GRIN2A: variants seen among roughly 807,000 people sequenced by gnomAD.
GRIN2A encodes the protein glutamate receptor ionotropic, NMDA 2A.
GRIN2A carries 22 observed loss-of-function variants against 113.4 expected under a neutral mutation model. The observed-to-expected ratio is 0.19, with a 90% CI of 0.14 to 0.28. GRIN2A has a LOEUF of 0.28. Ranked by LOEUF, GRIN2A falls within the 10% of genes least tolerant of loss-of-function variation. GRIN2A has a pLI of 1.00. For missense variants in GRIN2A, 1,502 were observed against 1,887.0 expected (o/e 0.80, Z 3.78); for synonymous variants, 827 against 738.4 (o/e 1.12, Z -1.94).
intron 2 of GRIN2A, among the ~76,000 whole-genome samples, chr16:10,082,446 T>C (rs1204496137): frequency 6.6e-6 from 1 of 152,240 alleles, no homozygotes; most frequent in Non-Finnish European, 1.5e-5. Flanking sequence ...CCTGTGAATA[T>C]GATAGGACAT....
intron 2 of GRIN2A, among the ~76,000 whole-genome samples, chr16:10,079,953 G>C (rs533688574): frequency 3.9e-5 from 6 of 152,332 alleles, no homozygotes; most frequent in African/African-American, 7.2e-5. Flanking sequence ...CTTTGTATGA[G>C]AATGAGCAAG....
rs149306278 is a variant in GRIN2A, at chr16:9,984,720, C to T, written c.415-46169G>A. Among the ~76,000 whole-genome samples, 595 of 152,288 alleles carry T rather than the reference C, an allele frequency of 3.9e-3. 6 individuals are homozygous for T. The highest frequency in any genetic ancestry group is 4.4e-3 in the Non-Finnish European group (296 of 68,012). On this transcript the variant is annotated intron_variant, in intron 2 of 12. Transcript: ENST00000330684. ...TTGGTCTTGTCTTTACTTTCTCACA[C>T]GCAGTTTCTAACACCACATGGGATT...
chr16:10,018,026 A>G (rs761149505), intron 2 of GRIN2A, among the ~76,000 whole-genome samples: 1 of 152,182 alleles, frequency 6.6e-6, no homozygotes, highest in African/African-American at 2.4e-5. Context: ...TTTGCATCCA[A>G]GGAGGGATTC....
At position 10,126,202 on chromosome 16, in the gene GRIN2A, G is replaced by A. The variant is rs7193159; in HGVS notation, c.414+53796C>T. Among the ~76,000 whole-genome samples the A allele has an allele frequency of 5.0e-3, 740 of 149,172 alleles. 7 individuals carry two copies. Among genetic ancestry groups the A allele is most frequent in the African/African-American group, 0.017 (691 of 40,468 alleles). On this transcript the variant is annotated intron_variant, in intron 2 of 12. Transcript: ENST00000330684. ...TTTTGAGATAGGATCTCGCTCTGTC[G>A]CCCAGGCTGGAATGCAGTGGCACAA...
intron 10 of GRIN2A, among the ~76,000 whole-genome samples, chr16:9,811,805 T>C (rs2042091858): frequency 6.6e-6 from 1 of 152,254 alleles, no homozygotes; most frequent in Non-Finnish European, 1.5e-5. Context: ...CCTAAGGATA[T>C]AGAACCTGCC....
At chr16:10,000,350 A>G (rs1394118687) in intron 2 of GRIN2A, among the ~76,000 whole-genome samples, 1 of 150,612 alleles carries the variant, frequency 6.6e-6, no homozygotes, top group Non-Finnish European at 1.5e-5. Flanking sequence ...ACTATTACAG[A>G]GAAAGAAAGT....
chr16:9,980,090 A>G (rs530930379), intron 2 of GRIN2A, among the ~76,000 whole-genome samples: 1 of 151,530 alleles, frequency 6.6e-6, no homozygotes, highest in South Asian at 2.1e-4. Flanking sequence ...TGAAACCCCC[A>G]TCTCTACTAA....
chr16:10,154,131 C>T (rs2049640164), intron 2 of GRIN2A, among the ~76,000 whole-genome samples: 1 of 152,162 alleles, frequency 6.6e-6, no homozygotes, highest in African/African-American at 2.4e-5. Flanking sequence ...TGAGCTGAAG[C>T]CCTTAAGAGC....
chr16:9,784,441 C>CA lies in GRIN2A; in HGVS notation c.2356+13835dup, dbSNP rs71400493. 7.7e-3 allele frequency among the ~76,000 whole-genome samples: 978 copies of CA among 126,594 alleles called. 10 individuals are homozygous for CA. The highest frequency in any genetic ancestry group is 0.035 in the East Asian group (163 of 4,674). The allele number at this position is 126,594 out of a possible 152,430, so 83.1% of individuals were successfully genotyped here. A position where few individuals can be genotyped will look rare whatever the true frequency, so the allele number is the denominator to read the frequency against. ...GCAAAACTCTAACAACAACAACAAC[C>CA]AAAAAAAAAAAACAAACAAACAAAA... is the stretch of plus-strand genomic sequence containing the variant. On this transcript the variant is annotated intron_variant, in intron 11 of 12. Coordinates refer to ENST00000330684, the MANE Select transcript of GRIN2A (RefSeq NM_001134407.3).
chr16:10,006,667 A>T (rs879575044), intron 2 of GRIN2A, among the ~76,000 whole-genome samples: 6 of 152,124 alleles, frequency 3.9e-5, no homozygotes, highest in Non-Finnish European at 8.8e-5. Context: ...AAAATGTACG[A>T]CAAATTATTG....
At position 9,764,403 on chromosome 16, in the gene GRIN2A, C is replaced by G. The variant is rs770039926; in HGVS notation, c.3141G>C (p.Lys1047Asn). 6.2e-7 allele frequency: 1 copy of G among 1,614,096 alleles called. No individual in the cohort carries two copies. Among genetic ancestry groups the G allele is most frequent in the South Asian group, 1.1e-5 (1 of 91,066 alleles). The change falls in exon 13 of 13, where the codon AAG (lysine) becomes AAC (asparagine). Residue 1047 changes from lysine to asparagine, a missense_variant. Physicochemically the swap from Lys to Asn is moderately conservative, Grantham distance 94 (BLOSUM62 0). Coordinates refer to ENST00000330684, the MANE Select transcript of GRIN2A (RefSeq NM_001134407.3). ...TCTCTTCTGGAAGATACCTAGGGCT[C>G]TTTAGGGAGTGGGTCCTATTCTCTG... ...ATAENRTHSL[K>N]SPRYLPEEMA...
chr16:10,160,760 GA>G (rs2049794121), intron 2 of GRIN2A, among the ~76,000 whole-genome samples: 1 of 152,156 alleles, frequency 6.6e-6, no homozygotes, highest in Non-Finnish European at 1.5e-5. Context: ...ATGCTCAATC[GA>G]ACAGAAAGCT....
chr16:9,853,912 A>T (rs1201161211), intron 4 of GRIN2A, among the ~76,000 whole-genome samples: 1 of 152,188 alleles, frequency 6.6e-6, no homozygotes, highest in Non-Finnish European at 1.5e-5. Context: ...TAAATCCTTA[A>T]TTTGATTTAA....
intron 2 of GRIN2A, among the ~76,000 whole-genome samples, chr16:10,162,791 A>T (rs2049830347): frequency 6.6e-6 from 1 of 152,242 alleles, no homozygotes; most frequent in African/African-American, 2.4e-5. Flanking sequence ...TAAACAACAT[A>T]TCAGAGGGTT....
At chr16:10,131,209 C>T (rs1372982150) in intron 2 of GRIN2A, among the ~76,000 whole-genome samples, 1 of 152,120 alleles carries the variant, frequency 6.6e-6, no homozygotes, top group Non-Finnish European at 1.5e-5. Context: ...ATATTAAACA[C>T]CGAGGCTAGT....
At chr16:10,130,767 G>T (rs190987090) in intron 2 of GRIN2A, among the ~76,000 whole-genome samples, 3 of 152,332 alleles carry the variant, frequency 2.0e-5, no homozygotes, top group Non-Finnish European at 2.9e-5. Context: ...CCACTGTCAT[G>T]TCTTCATTAA....
At chr16:9,860,759 AAG>A (rs1411251219) in intron 4 of GRIN2A, among the ~76,000 whole-genome samples, 24 of 152,106 alleles carry the variant, frequency 1.6e-4, no homozygotes, top group African/African-American at 5.8e-4. Flanking sequence ...ATCAACAGAA[AAG>A]AGATGGGCTG....
intron 10 of GRIN2A, among the ~76,000 whole-genome samples, chr16:9,812,285 A>G (rs1467711274): frequency 6.6e-6 from 1 of 152,194 alleles, no homozygotes; most frequent in Non-Finnish European, 1.5e-5. Flanking sequence ...GAGGCAAAGC[A>G]TTTAACACAG....
chr16:10,062,161 G>A (rs1173968600), intron 2 of GRIN2A, among the ~76,000 whole-genome samples: 2 of 152,106 alleles, frequency 1.3e-5, no homozygotes, highest in East Asian at 1.9e-4. Flanking sequence ...CTTCTTTATG[G>A]ATTGCGAGTA....
Sources: gnomAD v4.1 joint callset for allele counts (sites outside exome capture counted in the v4.1 genomes callset) on GRCh38, gnomAD v4.1.1 for gene constraint, MANE v1.5 for transcripts, NCBI Gene and HGNC (gene_info 2026-07-23, HGNC 2026-07-21) for gene names.